PARP6: variants seen among roughly 807,000 people sequenced by gnomAD.
PARP6 encodes the protein poly(ADP-ribose) polymerase family member 6, also known as protein mono-ADP-ribosyltransferase PARP6.
A neutral mutation model predicts 92.0 loss-of-function variants in PARP6; 27 were observed. The observed-to-expected ratio is 0.29, with a 90% CI of 0.22 to 0.40. The LOEUF (loss-of-function observed/expected upper bound fraction) is 0.40, where lower values mean the gene tolerates loss of function less well. Among genes scored for constraint, PARP6 ranks in the 10% least tolerant of loss-of-function variants. The pLI is 1.00. For missense variants in PARP6, 501 were observed against 784.5 expected (o/e 0.64, Z 4.32); for synonymous variants, 272 against 281.2 (o/e 0.97, Z 0.33).
Position 72,241,259 on chromosome 15 carries a change from C to T in PARP6, c.*196G>A, listed in dbSNP as rs1325724621. On this transcript the variant is annotated 3_prime_UTR_variant, in exon 24 of 24. Coordinates refer to ENST00000569795, the MANE Select transcript of PARP6 (RefSeq NM_001323532.2). The surrounding 1 kb of genome is among the most constrained non-coding windows in gnomAD (Gnocchi z 4.1). The stretch of plus-strand genomic sequence containing the variant: ...CAAAGGGAAAGTCAGGGGATGGAGT[C>T]AGTCTGGGCCATCCGAATGTGGAGT... 2 of 686,300 alleles carry T rather than the reference C, an allele frequency of 2.9e-6. No individual in the cohort carries two copies. The highest frequency in any genetic ancestry group is 4.0e-5 in the Admixed American group (2 of 49,432). 42.5% of individuals were successfully genotyped at this position (686,300 alleles called of 1,614,324 possible). A position where few individuals can be genotyped will look rare whatever the true frequency, so the allele number is the denominator to read the frequency against.
chr15:72,253,630 G>T (rs2084664453), intron 15 of PARP6, 126 bp from the exon 16 acceptor site: 2 of 759,534 alleles, frequency 2.6e-6, no homozygotes, highest in East Asian at 5.4e-5. Flanking sequence ...AGAGGAAAAA[G>T]GAGATAGGGT....
chr15:72,241,622 G>A lies in PARP6; in HGVS notation c.1791-65C>T. 1.6e-6 allele frequency: 2 copies of A among 1,251,044 alleles called. No homozygotes were observed. The highest frequency in any genetic ancestry group is 1.2e-6 in the Non-Finnish European group (1 of 852,132). The allele number at this position is 1,251,044 out of a possible 1,614,324, so 77.5% of individuals were successfully genotyped here. A position where few individuals can be genotyped will look rare whatever the true frequency, so the allele number is the denominator to read the frequency against. Reference sequence around the variant, plus strand: ...CAATACCAGAATAACATCAATCAGTGGAACTGTATTTCAAGGTATGGCCAT... The same window carrying A: ...CAATACCAGAATAACATCAATCAGTAGAACTGTATTTCAAGGTATGGCCAT... On this transcript the variant is annotated intron_variant, in intron 23 of 23. Coordinates refer to ENST00000569795, the MANE Select transcript of PARP6 (RefSeq NM_001323532.2). This position sits in a 1 kb window ranked among gnomAD's most constrained non-coding sequence, Gnocchi z 4.1.
At chr15:72,268,561 G>C (rs1935682243) in intron 2 of PARP6, among the ~76,000 whole-genome samples, 1 of 152,216 alleles carries the variant, frequency 6.6e-6, no homozygotes. Context: ...AGCTGGGTGT[G>C]GTGGCGTGCG....
Position 72,254,478 on chromosome 15 carries a change from T to C in PARP6, c.1168A>G (p.Met390Val). 2 of 1,613,480 alleles carry C rather than the reference T, an allele frequency of 1.2e-6. No homozygotes were observed. The highest frequency in any genetic ancestry group is 1.1e-5 in the South Asian group (1 of 91,058). The part of the protein sequence containing the change: ...ERLQKALDSV[M>V]SIREMTQGSY... ...ACCTGGGTCATCTCCCGAATAGACA[T>C]CACACTATCCAGAGCTTTCTGAAGC... Residue 390 changes from methionine (M) to valine (V), a missense_variant, in exon 15 of 24, where the codon ATG becomes GTG. Coordinates refer to ENST00000569795, the MANE Select transcript of PARP6 (RefSeq NM_001323532.2).
intron 17 of PARP6, 55 bp downstream of exon 17, chr15:72,251,152 C>T (rs1250458713): frequency 2.4e-6 from 3 of 1,230,060 alleles, no homozygotes; most frequent in Non-Finnish European, 3.6e-6. Context: ...GCTTCCAGCC[C>T]CTCCCTGCCC....
intron 20 of PARP6, chr15:72,244,108 C>G (rs1338155699): frequency 6.6e-6 from 1 of 152,186 alleles, no homozygotes; most frequent in Non-Finnish European, 1.5e-5. Flanking sequence ...CTGTTTTCAC[C>G]TTCCCCATTA....
chr15:72,253,563 T>C, intron 15 of PARP6, 59 bp from the exon 16 acceptor site: 1 of 1,403,900 alleles, frequency 7.1e-7, no homozygotes, highest in Non-Finnish European at 1.0e-6. Context: ...ACCTGCTTTC[T>C]GCTTTTCACA....
intron 8 of PARP6, among the ~76,000 whole-genome samples, chr15:72,264,021 C>CAA (rs34865114): frequency 0.03 from 2,860 of 96,446 alleles, 100 homozygotes; most frequent in African/African-American, 0.1. Flanking sequence ...ACTCTGTCTC[C>CAA]AAAAAAAAAA....
At chr15:72,257,917 AGAG>A in intron 12 of PARP6, 117 bp downstream of exon 12, 14 of 713,282 alleles carry the variant, frequency 2.0e-5, no homozygotes, top group Non-Finnish European at 1.8e-5. Context: ...AACAATTTCT[AGAG>A]TATCAGGGTG....
At chr15:72,252,024 G>C (rs912568428) in intron 16 of PARP6, among the ~76,000 whole-genome samples, 1 of 152,214 alleles carries the variant, frequency 6.6e-6, no homozygotes, top group East Asian at 1.9e-4. Context: ...CACTGAGGAA[G>C]TACTGAAGGC....
Position 72,242,281 on chromosome 15 carries a change from G to C in PARP6, c.1642-61C>G. 1 of 1,354,356 alleles carries C rather than the reference G, an allele frequency of 7.4e-7. No homozygotes were observed. Among genetic ancestry groups the C allele is most frequent in the Non-Finnish European group, 1.1e-6 (1 of 945,750 alleles). The allele number at this position is 1,354,356 out of a possible 1,614,324, so 83.9% of individuals were successfully genotyped here. ...GTAGATGGGTACAGCTTTCCCTAGA[G>C]AGGCTGGTTAGCTGATGATTGGGAG... On this transcript the variant is annotated intron_variant, in intron 21 of 23. Coordinates refer to ENST00000569795, the MANE Select transcript of PARP6 (RefSeq NM_001323532.2). This position sits in a 1 kb window ranked among gnomAD's most constrained non-coding sequence, Gnocchi z 4.3.
At chr15:72,270,399 A>T (rs1391741958) in intron 2 of PARP6, among the ~76,000 whole-genome samples, 1 of 152,192 alleles carries the variant, frequency 6.6e-6, no homozygotes, top group East Asian at 1.9e-4. Context: ...TGTAAAGTTG[A>T]AAAGTTTCAA....
chr15:72,263,898 C>A (rs1026603041), intron 8 of PARP6, among the ~76,000 whole-genome samples: 1 of 151,836 alleles, frequency 6.6e-6, no homozygotes, highest in African/African-American at 2.4e-5. Flanking sequence ...TGGTGGGTGA[C>A]TGTAATCCCA....
Position 72,266,010 on chromosome 15 carries a change from T to C in PARP6, c.82-19A>G, listed in dbSNP as rs374827664. 2.0e-5 allele frequency: 31 copies of C among 1,549,126 alleles called. No homozygotes were observed. In the African/African-American group the frequency reaches 4.0e-4, roughly 20 times the overall value. On this transcript the variant is annotated intron_variant, in intron 4 of 23. Transcript: ENST00000569795. Reference sequence around the variant, plus strand: ...AGCTCCCCTGAGATAGCAGCAAAAATGGTGGTGGAGAGAGGTGGAAAAAGA... The same window carrying C: ...AGCTCCCCTGAGATAGCAGCAAAAACGGTGGTGGAGAGAGGTGGAAAAAGA...
chr15:72,260,796 G>T, intron 9 of PARP6, 108 bp from the exon 10 acceptor site: 1 of 787,220 alleles, frequency 1.3e-6, no homozygotes, highest in South Asian at 1.5e-5. Flanking sequence ...ACTAAAGAAA[G>T]ACAAACTCAT....
At chr15:72,254,381 C>G (rs1167167657) in intron 15 of PARP6, 74 bp downstream of exon 15, 2 of 1,077,758 alleles carry the variant, frequency 1.9e-6, no homozygotes, top group African/African-American at 1.6e-5. Flanking sequence ...CATCCCACTC[C>G]CACAAATTAC....
rs1257790896 is a variant in PARP6 at position 72,257,943 on chromosome 15, T to C, written c.906+94A>G. On this transcript the variant is annotated intron_variant, in intron 12 of 23. Transcript: ENST00000569795. ...GAGTATCAGGGTGTACAGACAGAATTTTACCTTGACCACAGACCAAGGAAG... is the reference window on the plus strand; with the variant it reads ...GAGTATCAGGGTGTACAGACAGAATCTTACCTTGACCACAGACCAAGGAAG... 3 of 917,312 alleles carry C rather than the reference T, an allele frequency of 3.3e-6. No individual in the cohort carries two copies. In the African/African-American group the frequency reaches 4.9e-5, roughly 15 times the overall value. 56.8% of individuals were successfully genotyped at this position (917,312 alleles called of 1,614,324 possible). A position where few individuals can be genotyped will look rare whatever the true frequency, so the allele number is the denominator to read the frequency against.
At chr15:72,259,377 C>T (rs1483266028) in intron 11 of PARP6, among the ~76,000 whole-genome samples, 1 of 152,216 alleles carries the variant, frequency 6.6e-6, no homozygotes, top group Non-Finnish European at 1.5e-5. Context: ...CACTCATACA[C>T]TTAAAATTGG....
chr15:72,247,824 C>T (rs548395583), intron 20 of PARP6, among the ~76,000 whole-genome samples: 9 of 151,940 alleles, frequency 5.9e-5, no homozygotes, highest in Middle Eastern at 3.4e-3. Flanking sequence ...GCTTTGTTGT[C>T]TAGGCTGGAG....
Sources: allele counts gnomAD v4.1 joint callset (sites outside exome capture counted in the v4.1 genomes callset), GRCh38; gene constraint gnomAD v4.1.1; non-coding constraint Gnocchi (gnomAD v3.1); transcripts MANE v1.5; gene names NCBI Gene and HGNC (gene_info 2026-07-23, HGNC 2026-07-21).